The following ADAMTSL1 variants were observed in gnomAD, a reference collection of about 807,000 sequenced individuals.
ADAMTSL1 encodes the protein ADAMTS-like protein 1.
A neutral mutation model predicts 201.8 loss-of-function variants in ADAMTSL1; 126 were observed. The observed-to-expected ratio is 0.62, with a 90% CI of 0.54 to 0.72. The LOEUF is 0.72. Ranked by LOEUF, ADAMTSL1 falls within the 30% of genes least tolerant of loss-of-function variation. ADAMTSL1 has a pLI of 0.00. For missense variants in ADAMTSL1, 2,679 were observed against 2,277.8 expected (o/e 1.18, Z -3.59); for synonymous variants, 1,121 against 903.4 (o/e 1.24, Z -4.32).
At chr9:18,200,239 G>T (rs1454611817) in intron 2 of ADAMTSL1, among the ~76,000 whole-genome samples, 1 of 151,792 alleles carries the variant, frequency 6.6e-6, no homozygotes, top group African/African-American at 2.4e-5. Flanking sequence ...TTTGAGATCA[G>T]CCTAGGCAAA....
intron 13 of ADAMTSL1, among the ~76,000 whole-genome samples, chr9:18,705,258 C>T (rs761540687): frequency 1.3e-5 from 2 of 152,144 alleles, no homozygotes; most frequent in Non-Finnish European, 2.9e-5. Context: ...TTGCATGCCT[C>T]TGCAGCACGA....
At chr9:18,011,403 A>G (rs998884055) in intron 1 of ADAMTSL1, among the ~76,000 whole-genome samples, 15 of 151,988 alleles carry the variant, frequency 9.9e-5, no homozygotes, top group Admixed American at 2.0e-4. Context: ...AGTGGTCAGC[A>G]ATGGTCTGTT....
At chr9:17,975,644 T>A (rs1818417675) in intron 1 of ADAMTSL1, among the ~76,000 whole-genome samples, 1 of 152,166 alleles carries the variant, frequency 6.6e-6, no homozygotes, top group Non-Finnish European at 1.5e-5. Context: ...TTTGCAAATG[T>A]TTTTTGCCAT....
intron 7 of ADAMTSL1, among the ~76,000 whole-genome samples, chr9:18,650,796 C>A (rs1828193711): frequency 6.6e-6 from 1 of 152,082 alleles, no homozygotes; most frequent in Non-Finnish European, 1.5e-5. Context: ...TTTGTCAATG[C>A]CAGTTTAGTG....
At chr9:17,967,382 T>A (rs998074502) in intron 1 of ADAMTSL1, among the ~76,000 whole-genome samples, 2 of 152,170 alleles carry the variant, frequency 1.3e-5, no homozygotes, top group African/African-American at 2.4e-5. Flanking sequence ...ACTATTCTTA[T>A]GTTCTTTAGA....
At chr9:17,983,808 G>A (rs1280513574) in intron 1 of ADAMTSL1, among the ~76,000 whole-genome samples, 1 of 151,564 alleles carries the variant, frequency 6.6e-6, no homozygotes, top group African/African-American at 2.4e-5. Context: ...GGCTTTTGAA[G>A]TTAAAAAAAA....
At chr9:17,986,426 G>A (rs978143839) in intron 1 of ADAMTSL1, among the ~76,000 whole-genome samples, 2 of 151,954 alleles carry the variant, frequency 1.3e-5, no homozygotes, top group Non-Finnish European at 2.9e-5. Flanking sequence ...TCCTGAGTAT[G>A]TACCCAAGGA....
chr9:18,078,913 T>C (rs528409825), intron 1 of ADAMTSL1, among the ~76,000 whole-genome samples: 47 of 152,312 alleles, frequency 3.1e-4, no homozygotes, highest in Non-Finnish European at 4.4e-5. Flanking sequence ...CTCTTAGGAA[T>C]TACGGAGTAG....
intron 7 of ADAMTSL1, among the ~76,000 whole-genome samples, chr9:18,645,407 T>C (rs1213872523): frequency 6.6e-6 from 1 of 152,098 alleles, no homozygotes; most frequent in Admixed American, 6.6e-5. Flanking sequence ...ATCCCATTTG[T>C]CAGTTTTGGC....
intron 2 of ADAMTSL1, among the ~76,000 whole-genome samples, chr9:18,323,339 A>G (rs1479095441): frequency 3.3e-5 from 5 of 152,288 alleles, no homozygotes; most frequent in Non-Finnish European, 5.9e-5. Flanking sequence ...TACAACACCC[A>G]TTTGTGATTT....
intron 7 of ADAMTSL1, among the ~76,000 whole-genome samples, chr9:18,655,257 T>A (rs1828555139): frequency 1.3e-5 from 2 of 152,202 alleles, no homozygotes; most frequent in Admixed American, 1.3e-4. Context: ...TAACCCCCCA[T>A]ACACATTTCT....
At chr9:18,235,230 T>C (rs1225633339) in intron 2 of ADAMTSL1, among the ~76,000 whole-genome samples, 1 of 152,208 alleles carries the variant, frequency 6.6e-6, no homozygotes, top group Non-Finnish European at 1.5e-5. Context: ...GGGAAAATAT[T>C]AGTCAGGTAT....
intron 2 of ADAMTSL1, among the ~76,000 whole-genome samples, chr9:18,378,462 A>C (rs1345919597): frequency 1.3e-5 from 2 of 152,192 alleles, no homozygotes; most frequent in African/African-American, 4.8e-5. Flanking sequence ...TTTTATTTCT[A>C]TTTTAAAGAT....
intron 23 of ADAMTSL1, among the ~76,000 whole-genome samples, chr9:18,887,247 T>A (rs1476350059): frequency 1.3e-5 from 2 of 152,216 alleles, no homozygotes; most frequent in Admixed American, 1.3e-4. Context: ...GCTCTGTAGA[T>A]GTGTATAATA....
At chr9:18,030,339 T>A (rs1206602342) in intron 1 of ADAMTSL1, among the ~76,000 whole-genome samples, 10 of 151,912 alleles carry the variant, frequency 6.6e-5, no homozygotes, top group African/African-American at 2.2e-4. Context: ...TAGGTGGGAA[T>A]TGAACAATGA....
At chr9:18,544,190 A>G (rs1469433779) in intron 3 of ADAMTSL1, among the ~76,000 whole-genome samples, 1 of 152,236 alleles carries the variant, frequency 6.6e-6, no homozygotes, top group East Asian at 1.9e-4. Flanking sequence ...ATGGAAATAC[A>G]TGGGAAATAA....
intron 2 of ADAMTSL1, among the ~76,000 whole-genome samples, chr9:18,321,824 A>C (rs77120427): frequency 1.6e-4 from 25 of 152,180 alleles, no homozygotes; most frequent in African/African-American, 5.5e-4. Flanking sequence ...AACAAAAAAA[A>C]CACAGTTTTA....
At chr9:18,835,593 G>A (rs558085585) in intron 23 of ADAMTSL1, among the ~76,000 whole-genome samples, 1 of 152,242 alleles carries the variant, frequency 6.6e-6, no homozygotes, top group East Asian at 1.9e-4. Context: ...TTTGAGGTAT[G>A]ATTGATCCCA....
chr9:18,318,514 T>A (rs190057549), intron 2 of ADAMTSL1, among the ~76,000 whole-genome samples: 62 of 152,322 alleles, frequency 4.1e-4, no homozygotes, highest in Non-Finnish European at 7.1e-4. Flanking sequence ...TACAAGATAT[T>A]GGCTTAGAAG....
Sources: gnomAD v4.1 joint callset for allele counts (sites outside exome capture counted in the v4.1 genomes callset) on GRCh38, gnomAD v4.1.1 for gene constraint, MANE v1.5 for transcripts, NCBI Gene and HGNC (gene_info 2026-07-23, HGNC 2026-07-21) for gene names.